TSHZ3: variants seen among roughly 807,000 people sequenced by gnomAD.
TSHZ3 encodes teashirt homolog 3.
In TSHZ3, 10 loss-of-function variants were observed where a neutral mutation model predicts 64.5. The ratio of observed to expected loss-of-function variants is 0.16; its 90% confidence interval spans 0.10 to 0.26. The LOEUF is 0.26. Among genes scored for constraint, TSHZ3 ranks in the 10% least tolerant of loss-of-function variants. TSHZ3 has a pLI of 1.00. For missense variants in TSHZ3, 1,242 were observed against 1,421.7 expected, an observed-to-expected ratio of 0.87 and a Z score of 2.03; for synonymous variants, 608 against 593.1, an observed-to-expected ratio of 1.03 and a Z score of -0.36.
At chr19:31,333,094 G>T (rs1917139446) in intron 1 of TSHZ3, among the ~76,000 whole-genome samples, 1 of 146,468 alleles carries the variant, frequency 6.8e-6, no homozygotes, top group Admixed American at 7.0e-5. Flanking sequence ...TGACAAGGGA[G>T]ATCCTGTCTC....
At chr19:31,300,853 G>C (rs942403265) in intron 1 of TSHZ3, among the ~76,000 whole-genome samples, 2 of 152,132 alleles carry the variant, frequency 1.3e-5, no homozygotes, top group Non-Finnish European at 2.9e-5. Flanking sequence ...TAATGACAAA[G>C]TAAATGTTGT....
intron 4 of TSHZ3, among the ~76,000 whole-genome samples, chr19:31,212,995 T>C (rs997324929): frequency 9.2e-5 from 14 of 151,858 alleles, no homozygotes; most frequent in African/African-American, 3.1e-4. Context: ...AAGAAGCCAG[T>C]GTGAAAAGGC....
In TSHZ3 at chr19:31,320,250, G is replaced by A. The variant is rs191086298; in HGVS notation, c.40+28930C>T. ...TAAATATGACCCTGGACATGAATGC[G>A]TGACCCCCAAGCAATACTAGGCTCG... On this transcript the variant is annotated intron_variant, in intron 1 of 1. Coordinates refer to ENST00000240587, the MANE Select transcript of TSHZ3 (RefSeq NM_020856.4). Among the ~76,000 whole-genome samples, 21 of 152,222 alleles carry A rather than the reference G, an allele frequency of 1.4e-4. No individual in the cohort carries two copies. The East Asian group carries it at 2.5e-3, about 18-fold the overall frequency.
intron 1 of TSHZ3, among the ~76,000 whole-genome samples, chr19:31,253,842 G>A (rs1975873908): frequency 6.6e-6 from 1 of 152,178 alleles, no homozygotes; most frequent in Admixed American, 6.5e-5. Context: ...CAGGAATGAA[G>A]AGGGAGTTTT....
chr19:31,321,569 G>A (rs1002585470), intron 1 of TSHZ3, among the ~76,000 whole-genome samples: 4 of 152,096 alleles, frequency 2.6e-5, no homozygotes, highest in South Asian at 2.1e-4. Flanking sequence ...CCAGGTTAAC[G>A]CAAGGGGCCT....
rs192188010 is a variant in TSHZ3, at chr19:31,170,914, T to A, written n.810-14497A>T. On this transcript the variant is annotated intron_variant and non_coding_transcript_variant, in intron 5 of 6. Coordinates refer to the TSHZ3 transcript ENST00000651361. ...CTTTCAGCAAGTGAGGCTAAAGTTA[T>A]TGAATATGCAAATTGGCTTATTAAA... Among the ~76,000 whole-genome samples, 325 of 152,372 alleles carry A rather than the reference T, an allele frequency of 2.1e-3. 1 individual carries two copies. Among genetic ancestry groups the A allele is most frequent in the Non-Finnish European group, 3.2e-3 (220 of 68,044 alleles).
intron 3 of TSHZ3, among the ~76,000 whole-genome samples, chr19:31,232,440 C>G (rs570651793): frequency 6.6e-6 from 1 of 152,182 alleles, no homozygotes; most frequent in Non-Finnish European, 1.5e-5. Flanking sequence ...TCAGCTCCAC[C>G]TGGCTGTGGT....
intron 5 of TSHZ3, chr19:31,204,928 C>T (rs1191318298): frequency 6.6e-6 from 1 of 152,258 alleles, no homozygotes; most frequent in Non-Finnish European, 1.5e-5. Flanking sequence ...TCAGTAAGCA[C>T]ACACCATGTA....
In TSHZ3 at chr19:31,338,498, T is replaced by C. The variant is rs529194222; in HGVS notation, c.40+10682A>G. On this transcript the variant is annotated intron_variant, in intron 1 of 1. Coordinates refer to ENST00000240587, the MANE Select transcript of TSHZ3 (RefSeq NM_020856.4). ...TTACGTTTCTTCATTCTCACACTAC[T>C]AACCAAGCCAACCAAAAGATTTTTT... 2.0e-5 allele frequency among the ~76,000 whole-genome samples: 3 copies of C among 152,144 alleles called. No homozygotes were observed. In the East Asian group the frequency reaches 5.8e-4, roughly 29 times the overall value.
chr19:31,175,443 T>TTTTTAC (rs893472464), intron 5 of TSHZ3, among the ~76,000 whole-genome samples: 21 of 152,346 alleles, frequency 1.4e-4, no homozygotes, highest in African/African-American at 5.1e-4. Flanking sequence ...TGTTTGTGTT[T>TTTTTAC]TTTTTACAAA....
chr19:31,169,816 T>C (rs1020796863), intron 5 of TSHZ3, among the ~76,000 whole-genome samples: 5 of 152,200 alleles, frequency 3.3e-5, no homozygotes, highest in African/African-American at 1.2e-4. Context: ...ATATCTGGGA[T>C]TTGGTTATGA....
intron 1 of TSHZ3, among the ~76,000 whole-genome samples, chr19:31,315,914 A>G (rs1027249071): frequency 2.6e-5 from 4 of 152,068 alleles, no homozygotes; most frequent in African/African-American, 9.7e-5. Flanking sequence ...CCAGCCGGAC[A>G]AAGACTTTAA....
intron 1 of TSHZ3, among the ~76,000 whole-genome samples, chr19:31,313,778 G>A (rs545870114): frequency 6.6e-6 from 1 of 152,260 alleles, no homozygotes; most frequent in East Asian, 1.9e-4. Flanking sequence ...GCCCTAGAAA[G>A]GCCCCATCGG....
At chr19:31,273,531 G>A (rs1689953350), downstream of TSHZ3, among the ~76,000 whole-genome samples, 1 of 152,194 alleles carries the variant, frequency 6.6e-6, no homozygotes, top group Non-Finnish European at 1.5e-5. Flanking sequence ...CAAGCCACAT[G>A]GGCCCTGGTG....
chr19:31,287,945 T>G (rs187598048), intron 1 of TSHZ3, among the ~76,000 whole-genome samples: 285 of 151,696 alleles, frequency 1.9e-3, no homozygotes, highest in African/African-American at 6.2e-3. Context: ...TCTTTTTCTG[T>G]TTTTTTTGAG....
At chr19:31,155,698 A>C (rs1974298215) in intron 6 of TSHZ3, among the ~76,000 whole-genome samples, 1 of 152,102 alleles carries the variant, frequency 6.6e-6, no homozygotes, top group Non-Finnish European at 1.5e-5. Flanking sequence ...CACACACCCA[A>C]GTTCTCGCCT....
chr19:31,227,840 A>G (rs1043496219), intron 4 of TSHZ3, among the ~76,000 whole-genome samples: 5 of 152,176 alleles, frequency 3.3e-5, no homozygotes, highest in Non-Finnish European at 7.3e-5. Flanking sequence ...GCAACCATCC[A>G]GTTTCTTCTG....
intron 5 of TSHZ3, among the ~76,000 whole-genome samples, chr19:31,185,276 C>T (rs1170313005): frequency 1.3e-5 from 2 of 152,158 alleles, no homozygotes; most frequent in East Asian, 3.9e-4. Flanking sequence ...TCAAGGCAGC[C>T]AGGGGCCAAC....
At chr19:31,283,564 G>C (rs1243419553) in intron 1 of TSHZ3, among the ~76,000 whole-genome samples, 1 of 152,204 alleles carries the variant, frequency 6.6e-6, no homozygotes, top group Non-Finnish European at 1.5e-5. Context: ...GCAGTGCAGA[G>C]TTTTGTTTCT....
Sources: allele counts gnomAD v4.1 joint callset (sites outside exome capture counted in the v4.1 genomes callset), GRCh38; gene constraint gnomAD v4.1.1; transcripts MANE v1.5; gene names NCBI Gene and HGNC (gene_info 2026-07-23, HGNC 2026-07-21).